The following GPC5 variants were observed in gnomAD, a reference collection of about 807,000 sequenced individuals.
GPC5 encodes the protein glypican-5.
Under a neutral mutation model 53.9 loss-of-function variants are expected in GPC5, and 47 were observed. That is an observed-to-expected ratio of 0.87 (90% confidence interval 0.69 to 1.11). The LOEUF (loss-of-function observed/expected upper bound fraction) is 1.11, where lower values mean the gene tolerates loss of function less well. GPC5 is among the 50% of genes most tolerant of loss of function. The pLI is 0.00. For missense variants in GPC5, 748 were observed against 713.1 expected, an observed-to-expected ratio of 1.05 and a Z score of -0.56; for synonymous variants, 286 against 263.3, an observed-to-expected ratio of 1.09 and a Z score of -0.84.
intron 7 of GPC5, among the ~76,000 whole-genome samples, chr13:92,322,082 CACTTGTACCCCGACCTTAAAAGTTAAATA>C (rs1218494278): frequency 6.6e-6 from 1 of 152,034 alleles, no homozygotes; most frequent in Admixed American, 6.6e-5. Context: ...TATAAACCTG[CACTTGTACCCCGACCTTAAAAGTTAAATA>C]AAAGGAAATT....
At chr13:91,736,974 T>A (rs560261073) in intron 4 of GPC5, among the ~76,000 whole-genome samples, 2 of 151,236 alleles carry the variant, frequency 1.3e-5, no homozygotes, top group Admixed American at 1.3e-4. Context: ...TATTATTATT[T>A]TTGATGGTAG....
Position 92,116,374 on chromosome 13 carries a change from ACCAACTCTG to A in GPC5, c.1402-28450_1402-28442del, listed in dbSNP as rs144101899. 2.6e-4 allele frequency among the ~76,000 whole-genome samples: 40 copies of A among 152,278 alleles called. No homozygotes were observed. The East Asian group carries it at 7.3e-3, about 28-fold the overall frequency. On this transcript the variant is annotated intron_variant, in intron 6 of 7. Transcript: ENST00000377067. ...TCAAGGAAAGAGGCCTCAGAATAAA[ACCAACTCTG>A]CCAACACCTTGATCTTGAACTTCTA...
chr13:92,283,576 G>A (rs1237080334), intron 7 of GPC5, among the ~76,000 whole-genome samples: 3 of 152,156 alleles, frequency 2.0e-5, no homozygotes, highest in African/African-American at 4.8e-5. Context: ...CTAGAACTCA[G>A]GATTAAGAAA....
intron 2 of GPC5, among the ~76,000 whole-genome samples, chr13:91,467,760 T>C (rs866157423): frequency 1.3e-5 from 2 of 152,214 alleles, no homozygotes; most frequent in Non-Finnish European, 2.9e-5. Flanking sequence ...TTTTTGACCT[T>C]TTAAGTTGTC....
intron 6 of GPC5, among the ~76,000 whole-genome samples, chr13:92,075,021 G>A (rs1208192723): frequency 6.6e-6 from 1 of 152,112 alleles, no homozygotes; most frequent in African/African-American, 2.4e-5. Context: ...TCCAGATCAT[G>A]ATTCTCATAG....
chr13:91,864,980 C>T (rs2039068403), intron 5 of GPC5, among the ~76,000 whole-genome samples: 1 of 151,256 alleles, frequency 6.6e-6, no homozygotes, highest in Admixed American at 6.6e-5. Flanking sequence ...TCTTGGCTCA[C>T]TGCAACCTCT....
At chr13:92,855,350 G>C (rs1177688836) in intron 7 of GPC5, among the ~76,000 whole-genome samples, 1 of 151,918 alleles carries the variant, frequency 6.6e-6, no homozygotes. Flanking sequence ...ATACATATTT[G>C]TGTGAATATA....
intron 7 of GPC5, among the ~76,000 whole-genome samples, chr13:92,165,217 C>A (rs1397954008): frequency 6.6e-6 from 1 of 152,152 alleles, no homozygotes; most frequent in Non-Finnish European, 1.5e-5. Flanking sequence ...ATGGGTTTTT[C>A]TTTTCTATTG....
rs575530120 is a variant in GPC5 at position 92,746,061 on chromosome 13, A to C, written c.1562-120221A>C. The stretch of plus-strand genomic sequence containing the variant: ...AATCAGTTGTTTTTGTGAATCCCAC[A>C]TTCTTGAATATTCATTTTAACCAGT... On this transcript the variant is annotated intron_variant, in intron 7 of 7. Transcript: ENST00000377067. Among the ~76,000 whole-genome samples the C allele has an allele frequency of 1.8e-3, 274 of 152,210 alleles. 1 individual carries two copies. The highest frequency in any genetic ancestry group is 3.4e-3 in the Non-Finnish European group (229 of 67,984).
chr13:92,739,471 A>C (rs1305371952), intron 7 of GPC5, among the ~76,000 whole-genome samples: 1 of 152,102 alleles, frequency 6.6e-6, no homozygotes, highest in Non-Finnish European at 1.5e-5. Context: ...CATTCAACAA[A>C]GATGAGCAAT....
intron 7 of GPC5, among the ~76,000 whole-genome samples, chr13:92,526,174 A>G (rs1881273935): frequency 6.6e-6 from 1 of 152,162 alleles, no homozygotes; most frequent in Non-Finnish European, 1.5e-5. Context: ...GTATTGTTCC[A>G]CAGTATGGAA....
intron 7 of GPC5, among the ~76,000 whole-genome samples, chr13:92,171,729 G>A (rs1306920652): frequency 1.3e-5 from 2 of 152,162 alleles, no homozygotes; most frequent in Non-Finnish European, 2.9e-5. Flanking sequence ...TTTCCTGAGT[G>A]ATAGAAGAAT....
chr13:91,856,593 G>A (rs1328547650), intron 5 of GPC5, among the ~76,000 whole-genome samples: 4 of 151,028 alleles, frequency 2.6e-5, no homozygotes, highest in Non-Finnish European at 5.9e-5. Context: ...TTGGCCATTC[G>A]TATATCTTTT....
At chr13:92,741,445 G>C (rs1021455097) in intron 7 of GPC5, among the ~76,000 whole-genome samples, 5 of 151,620 alleles carry the variant, frequency 3.3e-5, no homozygotes, top group African/African-American at 1.2e-4. Context: ...CCTCAAACTT[G>C]GCCTTCTCAG....
chr13:92,659,921 G>A (rs1362269639), intron 7 of GPC5, among the ~76,000 whole-genome samples: 1 of 152,128 alleles, frequency 6.6e-6, no homozygotes, highest in Non-Finnish European at 1.5e-5. Flanking sequence ...AGGCATCAGA[G>A]AAAGAGAAAG....
At chr13:92,825,975 G>C (rs1170841566) in intron 7 of GPC5, among the ~76,000 whole-genome samples, 1 of 152,014 alleles carries the variant, frequency 6.6e-6, no homozygotes, top group African/African-American at 2.4e-5. Flanking sequence ...ATTCTTTCAT[G>C]AGGGACTTAG....
intron 6 of GPC5, among the ~76,000 whole-genome samples, chr13:91,966,007 G>A (rs1329507471): frequency 6.6e-6 from 1 of 152,078 alleles, no homozygotes; most frequent in East Asian, 1.9e-4. Context: ...AGAATTGGAT[G>A]TACTTACTAG....
intron 7 of GPC5, among the ~76,000 whole-genome samples, chr13:92,363,297 A>G (rs1179123705): frequency 1.3e-5 from 2 of 151,616 alleles, no homozygotes; most frequent in African/African-American, 4.9e-5. Flanking sequence ...TCAGAAGGTT[A>G]TCATCTTAAG....
chr13:91,785,789 TA>T (rs1410018933), intron 5 of GPC5, among the ~76,000 whole-genome samples: 3 of 152,216 alleles, frequency 2.0e-5, no homozygotes, highest in African/African-American at 7.2e-5. Flanking sequence ...ACAGATCTTC[TA>T]AATACATTCA....
Sources: allele counts gnomAD v4.1 joint callset (sites outside exome capture counted in the v4.1 genomes callset), GRCh38; gene constraint gnomAD v4.1.1; transcripts MANE v1.5; gene names NCBI Gene and HGNC (gene_info 2026-07-23, HGNC 2026-07-21).